Variants in NRXN1 observed in about 807,000 individuals in gnomAD.
NRXN1 encodes neurexin 1.
NRXN1 carries 39 observed loss-of-function variants against 150.9 expected under a neutral mutation model. That is an observed-to-expected ratio of 0.26 (90% CI 0.20 to 0.34). The LOEUF (loss-of-function observed/expected upper bound fraction) is 0.34. Ranked by LOEUF, NRXN1 falls within the 10% of genes least tolerant of loss-of-function variation. NRXN1 has a pLI of 1.00. For synonymous variants in NRXN1, 924 were observed against 757.0 expected (o/e 1.22, Z -3.62); for missense variants, 1,815 against 1,949.9 (o/e 0.93, Z 1.30).
chr2:50,787,518 C>T (rs1259112849), intron 5 of NRXN1, among the ~76,000 whole-genome samples: 1 of 151,804 alleles, frequency 6.6e-6, no homozygotes, highest in African/African-American at 2.4e-5. Flanking sequence ...GCCGAGATCA[C>T]ACCATTGAAG....
At chr2:50,645,310 T>C (rs1267963594) in intron 5 of NRXN1, among the ~76,000 whole-genome samples, 2 of 151,896 alleles carry the variant, frequency 1.3e-5, no homozygotes, top group Admixed American at 6.6e-5. Flanking sequence ...TTCTATAAGC[T>C]ACATTAAAAG....
chr2:50,103,256 T>C (rs1701200702), intron 18 of NRXN1, among the ~76,000 whole-genome samples: 1 of 152,112 alleles, frequency 6.6e-6, no homozygotes. Context: ...TTAGTTTCTT[T>C]GTGTGGTGGA....
At chr2:50,349,652 A>G (rs1279555929) in intron 17 of NRXN1, among the ~76,000 whole-genome samples, 1 of 152,204 alleles carries the variant, frequency 6.6e-6, no homozygotes, top group Non-Finnish European at 1.5e-5. Flanking sequence ...TCATGTTTCT[A>G]TCTTTCCTAA....
At chr2:50,719,948 G>A (rs1696417819) in intron 5 of NRXN1, among the ~76,000 whole-genome samples, 1 of 152,106 alleles carries the variant, frequency 6.6e-6, no homozygotes, top group Non-Finnish European at 1.5e-5. Flanking sequence ...GTAAAGCTGA[G>A]AGAGCCATCA....
intron 15 of NRXN1, among the ~76,000 whole-genome samples, chr2:50,476,018 A>G (rs916143398): frequency 1.8e-4 from 27 of 152,076 alleles, no homozygotes; most frequent in Admixed American, 1.2e-3. Context: ...GTAGATATGA[A>G]GCTAGCCTGT....
rs1668087340 is a variant in NRXN1, at chr2:49,920,941, T to TAAAC, written c.*999_*1002dup. On this transcript the variant is annotated 3_prime_UTR_variant, in exon 23 of 23. Transcript: ENST00000401669. ...ACATTCATACATATCTTCCTTAGAA[T>TAAAC]AAACACTACACTGTAATTTCTTTAA... 6.6e-6 allele frequency: 1 copy of TAAAC among 151,318 alleles called. No individual in the cohort carries two copies. Among genetic ancestry groups the TAAAC allele is most frequent in the Non-Finnish European group, 1.5e-5 (1 of 67,852 alleles). 9.4% of individuals were successfully genotyped at this position (151,318 alleles called of 1,614,324 possible).
intron 17 of NRXN1, among the ~76,000 whole-genome samples, chr2:50,432,845 A>G (rs1008222806): frequency 2.0e-5 from 3 of 152,174 alleles, no homozygotes; most frequent in Non-Finnish European, 1.5e-5. Context: ...TTAGTTGTTA[A>G]CCAACAGCTA....
chr2:50,075,797 G>GAA (rs11410198), intron 19 of NRXN1, among the ~76,000 whole-genome samples: 3,224 of 149,546 alleles, frequency 0.022, 96 homozygotes, highest in African/African-American at 0.074. Context: ...GGTGACAAAG[G>GAA]AAAAAAAAAA....
At chr2:50,199,613 CTATT>C (rs1211598684) in intron 18 of NRXN1, among the ~76,000 whole-genome samples, 4 of 151,814 alleles carry the variant, frequency 2.6e-5, no homozygotes, top group East Asian at 3.9e-4. Flanking sequence ...ATTAGTGTCT[CTATT>C]TAAGTTTTCT....
intron 5 of NRXN1, among the ~76,000 whole-genome samples, chr2:50,744,098 C>G (rs1338509762): frequency 6.6e-6 from 1 of 152,098 alleles, no homozygotes; most frequent in Non-Finnish European, 1.5e-5. Flanking sequence ...CATTTATATA[C>G]AAGACCTGAG....
chr2:50,085,744 T>C (rs1449894926), intron 19 of NRXN1, among the ~76,000 whole-genome samples: 1 of 152,096 alleles, frequency 6.6e-6, no homozygotes, highest in African/African-American at 2.4e-5. Context: ...TATGTTTAAA[T>C]ACCCATAAGA....
chr2:50,201,803 C>G (rs930545987), intron 18 of NRXN1, among the ~76,000 whole-genome samples: 4 of 152,186 alleles, frequency 2.6e-5, no homozygotes, highest in Non-Finnish European at 5.9e-5. Flanking sequence ...TGGCTATAGA[C>G]AGCCAAAGGC....
rs569109814 is a variant in NRXN1, at chr2:50,649,711, G to C, written c.833-26096C>G. Among the ~76,000 whole-genome samples, 4 of 152,022 alleles carry C rather than the reference G, an allele frequency of 2.6e-5. 1 individual carries two copies. The highest frequency in any genetic ancestry group is 7.2e-5 in the African/African-American group (3 of 41,482). The stretch of plus-strand genomic sequence containing the variant: ...GATTAAGTGAAATCGGAGTGAAATG[G>C]ATTAATATATCATTGTCTGAAAATT... On this transcript the variant is annotated intron_variant, in intron 5 of 22. Transcript: ENST00000401669.
At chr2:50,509,121 G>T (rs573335475) in intron 12 of NRXN1, among the ~76,000 whole-genome samples, 1 of 152,110 alleles carries the variant, frequency 6.6e-6, no homozygotes, top group Non-Finnish European at 1.5e-5. Flanking sequence ...ACTACTTGTC[G>T]CCAGGTCACA....
In NRXN1 at chr2:50,058,858, C is replaced by G. The variant is rs529126320; in HGVS notation, c.3719-3814G>C. 2.6e-4 allele frequency among the ~76,000 whole-genome samples: 39 copies of G among 152,312 alleles called. 1 individual carries two copies. Among genetic ancestry groups the G allele is most frequent in the Non-Finnish European group, 4.7e-4 (32 of 68,026 alleles). On this transcript the variant is annotated intron_variant, in intron 19 of 22. Coordinates refer to ENST00000401669, the MANE Select transcript of NRXN1 (RefSeq NM_001330078.2). ...GTAAGACATGACTTTGCTCCTCCTT[C>G]ACCTTCTGCCATGATTGTGAGGCCT... is the stretch of plus-strand genomic sequence containing the variant.
intron 5 of NRXN1, among the ~76,000 whole-genome samples, chr2:50,867,258 G>A (rs1574763853): frequency 6.6e-6 from 1 of 151,880 alleles, no homozygotes; most frequent in South Asian, 2.1e-4. Flanking sequence ...CTGAGTCCTA[G>A]ATGCTCATGG....
intron 15 of NRXN1, among the ~76,000 whole-genome samples, chr2:50,483,879 C>T (rs1277032790): frequency 6.6e-6 from 1 of 152,096 alleles, no homozygotes; most frequent in African/African-American, 2.4e-5. Context: ...TATTTTTTCC[C>T]GAATAGTGTA....
chr2:50,055,917 T>C (rs1210078403), intron 19 of NRXN1, among the ~76,000 whole-genome samples: 1 of 152,188 alleles, frequency 6.6e-6, no homozygotes, highest in East Asian at 1.9e-4. Context: ...AGAGCCCTGC[T>C]TCTTTGCATA....
At chr2:50,753,974 C>T (rs3914734) in intron 5 of NRXN1, among the ~76,000 whole-genome samples, 3 of 126,648 alleles carry the variant, frequency 2.4e-5, no homozygotes, top group African/African-American at 9.3e-5. Flanking sequence ...TGGGGGGGGG[C>T]GGAATTCCCA....
Sources: gnomAD v4.1 joint callset for allele counts (sites outside exome capture counted in the v4.1 genomes callset) on GRCh38, gnomAD v4.1.1 for gene constraint, MANE v1.5 for transcripts, NCBI Gene and HGNC (gene_info 2026-07-23, HGNC 2026-07-21) for gene names.